The following FERMT2 variants were observed in gnomAD, a reference collection of about 807,000 sequenced individuals.
FERMT2 encodes the protein FERM domain containing kindlin 2, also known as fermitin family homolog 2.
FERMT2 carries 15 observed loss-of-function variants against 82.7 expected under a neutral mutation model. The observed-to-expected ratio is 0.18, with a 90% confidence interval of 0.12 to 0.28. The LOEUF is 0.28. Ranked by LOEUF, FERMT2 falls within the 10% of genes least tolerant of loss-of-function variation. FERMT2 has a pLI of 1.00. For missense variants in FERMT2, 645 were observed against 809.4 expected (o/e 0.80, Z 2.46); for synonymous variants, 274 against 271.5 (o/e 1.01, Z -0.09).
chr14:52,914,912 T>A (rs1030021797), intron 3 of FERMT2, among the ~76,000 whole-genome samples: 1 of 151,836 alleles, frequency 6.6e-6, no homozygotes, highest in African/African-American at 2.4e-5. Flanking sequence ...AGAGGGAGAC[T>A]CTGTCTCAAA....
In FERMT2 at chr14:52,860,326, C is replaced by CTTAGAACCACT; in HGVS notation, c.1727+4_1727+14dup. 6.2e-7 allele frequency: 1 copy of CTTAGAACCACT among 1,612,574 alleles called. No individual in the cohort carries two copies. The highest frequency in any genetic ancestry group is 8.5e-7 in the Non-Finnish European group (1 of 1,179,416). On this transcript the variant is annotated intron_variant, in intron 13 of 14. Coordinates refer to ENST00000341590, the MANE Select transcript of FERMT2 (RefSeq NM_006832.3). ...GCAGATTAAGGTTTACACATAGATG[C>CTTAGAACCACT]TTAGAACCACTGACCTTGCAATGAA... is the stretch of plus-strand genomic sequence containing the variant.
At chr14:52,926,131 A>G (rs1889256504) in intron 2 of FERMT2, among the ~76,000 whole-genome samples, 1 of 152,252 alleles carries the variant, frequency 6.6e-6, no homozygotes, top group African/African-American at 2.4e-5. Flanking sequence ...AGAAGCATGA[A>G]CACATTATGA....
chr14:52,859,582 T>C lies in FERMT2; in HGVS notation c.1860A>G (p.Glu620=), dbSNP rs1566712861. ...ATTGTTATGAGTTTACCATTTTGAT[T>C]TCCCAGTTGACATTCCACTGTTTCA... is the stretch of plus-strand genomic sequence containing the variant. ...SNMKQWNVNW[E]IKMVTVEFAD... is the part of the protein sequence containing the mutation. The change falls in exon 14 of 15, where the codon GAA becomes GAG. Residue 620 remains glutamate, a synonymous_variant. Transcript: ENST00000341590. 3 of 1,606,596 alleles carry C rather than the reference T, an allele frequency of 1.9e-6. No homozygotes were observed. The highest frequency in any genetic ancestry group is 2.6e-6 in the Non-Finnish European group (3 of 1,176,326).
intron 2 of FERMT2, among the ~76,000 whole-genome samples, chr14:52,942,710 T>C (rs775546066): frequency 3.9e-5 from 6 of 152,152 alleles, no homozygotes; most frequent in Non-Finnish European, 7.4e-5. Context: ...GAGCCAGAAG[T>C]TGAATCCAGA....
intron 3 of FERMT2, among the ~76,000 whole-genome samples, chr14:52,901,520 C>A (rs1887649373): frequency 6.6e-6 from 1 of 152,110 alleles, no homozygotes; most frequent in Non-Finnish European, 1.5e-5. Context: ...CCAACGTAAT[C>A]ACATGAGGCC....
chr14:52,906,462 G>T (rs944237271), intron 3 of FERMT2, among the ~76,000 whole-genome samples: 1 of 132,882 alleles, frequency 7.5e-6, no homozygotes, highest in African/African-American at 2.8e-5. Flanking sequence ...GTAATTTGGT[G>T]ATCAGAAAAA....
chr14:52,919,477 T>C (rs1888818890), intron 2 of FERMT2, 121 bp from the exon 3 acceptor site: 1 of 665,558 alleles, frequency 1.5e-6, no homozygotes, highest in African/African-American at 1.8e-5. Flanking sequence ...AAGTTACTGT[T>C]ATGTGACAGG....
chr14:52,893,809 A>G (rs1427865879), intron 3 of FERMT2, among the ~76,000 whole-genome samples: 7 of 149,154 alleles, frequency 4.7e-5, no homozygotes, highest in Non-Finnish European at 7.4e-5. Flanking sequence ...GATACTTTTA[A>G]ATCATTACCA....
intron 2 of FERMT2, among the ~76,000 whole-genome samples, chr14:52,933,536 C>T (rs937815356): frequency 1.3e-5 from 2 of 151,534 alleles, no homozygotes; most frequent in African/African-American, 4.9e-5. Flanking sequence ...CATGGAGAAA[C>T]CTCGTCTCTA....
intron 2 of FERMT2, among the ~76,000 whole-genome samples, chr14:52,933,835 T>G (rs1889713167): frequency 1.3e-5 from 2 of 152,162 alleles, no homozygotes; most frequent in Admixed American, 1.3e-4. Flanking sequence ...CATTGCCTTT[T>G]TCTAGTAGCT....
At chr14:52,915,791 A>T (rs1393743763) in intron 3 of FERMT2, among the ~76,000 whole-genome samples, 1 of 152,244 alleles carries the variant, frequency 6.6e-6, no homozygotes, top group Non-Finnish European at 1.5e-5. Flanking sequence ...AAAAGTACAT[A>T]AAATCAATCA....
In FERMT2 at chr14:52,875,242, C is replaced by T. The variant is rs766436614; in HGVS notation, c.1079G>A (p.Gly360Asp). 1.2e-6 allele frequency: 2 copies of T among 1,607,242 alleles called. No individual in the cohort carries two copies. The highest frequency in any genetic ancestry group is 1.7e-6 in the Non-Finnish European group (2 of 1,178,106). ...CCCTACCAAAATTGTTGACGTTTTACCCCCTTCCAGAGTAATCTCCAGGTC... is the reference window on the plus strand; with the variant it reads ...CCCTACCAAAATTGTTGACGTTTTATCCCCTTCCAGAGTAATCTCCAGGTC... ...LSDLEITLEG[G>D]KTSTILGDIT... Residue 360 changes from glycine (G) to aspartate (D), a missense_variant, in exon 8 of 15, where the codon GGT becomes GAT. Physicochemically the swap from Gly to Asp is moderately conservative, Grantham distance 94. Coordinates refer to ENST00000341590, the MANE Select transcript of FERMT2 (RefSeq NM_006832.3).
chr14:52,903,256 G>A (rs1323704492), intron 3 of FERMT2, among the ~76,000 whole-genome samples: 2 of 152,086 alleles, frequency 1.3e-5, no homozygotes, highest in Admixed American at 6.6e-5. Flanking sequence ...ACTATTAGGA[G>A]GCCAGGCATG....
chr14:52,946,231 C>T (rs1302852992), intron 2 of FERMT2, among the ~76,000 whole-genome samples: 2 of 152,034 alleles, frequency 1.3e-5, no homozygotes, highest in African/African-American at 4.8e-5. Flanking sequence ...TGGGCCTCTT[C>T]TTGACAAAAT....
intron 2 of FERMT2, among the ~76,000 whole-genome samples, chr14:52,931,541 G>C (rs754527805): frequency 6.6e-6 from 1 of 152,150 alleles, no homozygotes; most frequent in Non-Finnish European, 1.5e-5. Flanking sequence ...CAAATATGAG[G>C]GAGTTGTCTA....
chr14:52,907,786 A>C (rs919482467), intron 3 of FERMT2, among the ~76,000 whole-genome samples: 16 of 151,876 alleles, frequency 1.1e-4, no homozygotes, highest in African/African-American at 2.7e-4. Flanking sequence ...CAAAAAAAAA[A>C]CCCCACCAAA....
At chr14:52,939,864 C>A (rs1335222551) in intron 2 of FERMT2, among the ~76,000 whole-genome samples, 1 of 152,108 alleles carries the variant, frequency 6.6e-6, no homozygotes, top group Non-Finnish European at 1.5e-5. Context: ...AACCCAGGAA[C>A]TACATTAAGG....
intron 10 of FERMT2, among the ~76,000 whole-genome samples, chr14:52,870,871 TAAATG>T (rs1885576949): frequency 6.6e-6 from 1 of 152,246 alleles, no homozygotes; most frequent in African/African-American, 2.4e-5. Context: ...TTTTAAGTGT[TAAATG>T]AAATTGTTTT....
At chr14:52,893,096 A>G (rs1887046619) in intron 4 of FERMT2, among the ~76,000 whole-genome samples, 197 bp downstream of exon 4, 2 of 152,180 alleles carry the variant, frequency 1.3e-5, no homozygotes, top group Non-Finnish European at 2.9e-5. Context: ...TCCCGGGTTC[A>G]AGCGATTCTT....
Sources: gnomAD v4.1 joint callset for allele counts (sites outside exome capture counted in the v4.1 genomes callset) on GRCh38, gnomAD v4.1.1 for gene constraint, MANE v1.5 for transcripts, NCBI Gene and HGNC (gene_info 2026-07-23, HGNC 2026-07-21) for gene names.